The following TBC1D16 variants were observed in gnomAD, a reference collection of about 807,000 sequenced individuals.
TBC1D16 encodes the protein TBC1 domain family member 16, also known as CTD-2529O21.1.
TBC1D16 carries 58 observed loss-of-function variants against 74.7 expected under a neutral mutation model. That is an observed-to-expected ratio of 0.78 (90% CI 0.63 to 0.97). The LOEUF (loss-of-function observed/expected upper bound fraction) is 0.97, where lower values mean the gene tolerates loss of function less well. Among genes scored for constraint, TBC1D16 ranks in the 50% least tolerant of loss-of-function variants. TBC1D16 has a pLI of 0.00. For missense variants in TBC1D16, 1,014 were observed against 1,079.5 expected (o/e 0.94, Z 0.85); for synonymous variants, 493 against 474.7 (o/e 1.04, Z -0.50).
At chr17:80,031,180 G>A (rs1463528441) in intron 1 of TBC1D16, among the ~76,000 whole-genome samples, 4 of 152,220 alleles carry the variant, frequency 2.6e-5, no homozygotes, top group Admixed American at 1.3e-4. Context: ...CCGGGCAGCA[G>A]GCTTGGGGAA....
intron 9 of TBC1D16, among the ~76,000 whole-genome samples, chr17:79,947,118 A>G (rs988808875): frequency 4.6e-5 from 7 of 152,134 alleles, no homozygotes; most frequent in African/African-American, 1.7e-4. Flanking sequence ...CCTGGTCTAC[A>G]TAGGGCTGGT....
rs59996007 is a variant in TBC1D16 at position 79,986,683 on chromosome 17, T to TTAAA, written c.779+23476_779+23477insTTTA. On this transcript the variant is annotated intron_variant, in intron 3 of 11. Transcript: ENST00000310924. This position sits in a 1 kb window ranked among gnomAD's most constrained non-coding sequence, Gnocchi z 6.0. ...CTCTTATTAAAGGGCAGAGCCACCA[T>TTAAA]GGTGGGTGAACGGGCTTCCTCTCGG... 4.1e-4 allele frequency among the ~76,000 whole-genome samples: 62 copies of TTAAA among 152,260 alleles called. 3 individuals carry two copies. In the East Asian group the frequency reaches 0.011, roughly 28 times the overall value.
intron 6 of TBC1D16, 47 bp from the exon 7 acceptor site, chr17:79,949,912 C>T (rs1176619131): frequency 1.3e-6 from 2 of 1,590,400 alleles, no homozygotes; most frequent in South Asian, 1.1e-5. Flanking sequence ...TGGGGCAGCT[C>T]AAAGAACCCC....
At position 79,983,529 on chromosome 17, in the gene TBC1D16, C is replaced by A. The variant is rs867192560; in HGVS notation, c.779+26631G>T. 1.1e-4 allele frequency among the ~76,000 whole-genome samples: 17 copies of A among 152,358 alleles called. No individual in the cohort carries two copies. The highest frequency in any genetic ancestry group is 4.1e-4 in the African/African-American group (17 of 41,584). ...CCTATTGGAGTGAGCACCCGCAGCA[C>A]CTCAGGCACGGGGAGCTGAGCCACC... On this transcript the variant is annotated intron_variant, in intron 3 of 11. Coordinates refer to ENST00000310924, the MANE Select transcript of TBC1D16 (RefSeq NM_019020.4). The surrounding 1 kb of genome is among the most constrained non-coding windows in gnomAD (Gnocchi z 5.6).
rs150301885 is a variant in TBC1D16 at position 80,013,472 on chromosome 17, C to T, written c.76G>A (p.Gly26Ser). The part of the protein sequence containing the change: ...DLLTLTPGGS[G>S]SGSPSVLDGE... ...TCCAGGACAGAGGGGGACCCGCTGC[C>T]GCTGCCACCGGGGGTGAGGGTCAGG... Residue 26 changes from glycine to serine, a missense_variant, in exon 2 of 12, where the codon GGC becomes AGC. Physicochemically the swap from Gly to Ser is moderately conservative, Grantham distance 56. Coordinates refer to ENST00000310924, the MANE Select transcript of TBC1D16 (RefSeq NM_019020.4). The T allele has an allele frequency of 8.2e-6, 13 of 1,595,032 alleles. No individual in the cohort carries two copies. Among genetic ancestry groups the T allele is most frequent in the Middle Eastern group, 1.7e-4 (1 of 6,010 alleles).
At chr17:79,984,441 C>A (rs1192514431) in intron 3 of TBC1D16, among the ~76,000 whole-genome samples, 1 of 152,016 alleles carries the variant, frequency 6.6e-6, no homozygotes. Context: ...AGGAAATACA[C>A]CAAAAAGTTA....
Position 80,013,477 on chromosome 17 carries a change from C to T in TBC1D16, c.71G>A (p.Gly24Asp). The T allele has an allele frequency of 6.3e-7, 1 of 1,593,200 alleles. No homozygotes were observed. Among genetic ancestry groups the T allele is most frequent in the Non-Finnish European group, 8.5e-7 (1 of 1,170,776 alleles). ...ASDLLTLTPG[G>D]SGSGSPSVLD... ...GACAGAGGGGGACCCGCTGCCGCTGCCACCGGGGGTGAGGGTCAGGAGGTC... is the reference window on the plus strand; with the variant it reads ...GACAGAGGGGGACCCGCTGCCGCTGTCACCGGGGGTGAGGGTCAGGAGGTC... Residue 24 changes from glycine to aspartate, a missense_variant, in exon 2 of 12, where the codon GGC becomes GAC. Coordinates refer to ENST00000310924, the MANE Select transcript of TBC1D16 (RefSeq NM_019020.4).
chr17:79,996,639 G>C (rs778710326), intron 3 of TBC1D16, among the ~76,000 whole-genome samples: 1 of 152,178 alleles, frequency 6.6e-6, no homozygotes, highest in African/African-American at 2.4e-5. Flanking sequence ...CCAGCACTTT[G>C]GGAGGCCGAG....
Position 79,940,586 on chromosome 17 carries a change from C to T in TBC1D16, c.*273G>A. ...TCCTCCAGGGCAGCCAGCAGGAGAG[C>T]CCAGCCAGCCTGCGTCTCAGGTGCG... On this transcript the variant is annotated 3_prime_UTR_variant, in exon 12 of 12. Coordinates refer to ENST00000310924, the MANE Select transcript of TBC1D16 (RefSeq NM_019020.4). This position sits in a 1 kb window ranked among gnomAD's most constrained non-coding sequence, Gnocchi z 5.4. 3.0e-6 allele frequency: 1 copy of T among 336,114 alleles called. No homozygotes were observed. The highest frequency in any genetic ancestry group is 5.4e-6 in the Non-Finnish European group (1 of 186,514). 20.8% of individuals were successfully genotyped at this position (336,114 alleles called of 1,614,324 possible). A position where few individuals can be genotyped will look rare whatever the true frequency, so the allele number is the denominator to read the frequency against.
rs2035144731 is a variant in TBC1D16 at position 79,993,303 on chromosome 17, G to C, written c.779+16857C>G. On this transcript the variant is annotated intron_variant, in intron 3 of 11. Coordinates refer to ENST00000310924, the MANE Select transcript of TBC1D16 (RefSeq NM_019020.4). This position sits in a 1 kb window ranked among gnomAD's most constrained non-coding sequence, Gnocchi z 5.1. ...TCCACCAGCCAGTCCCTTTCAAAGG[G>C]CGGAGGTTTCCAGAAGTGTGGCTGA... Among the ~76,000 whole-genome samples, 1 of 152,198 alleles carries C rather than the reference G, an allele frequency of 6.6e-6. No homozygotes were observed. The highest frequency in any genetic ancestry group is 2.1e-4 in the South Asian group (1 of 4,828).
intron 1 of TBC1D16, among the ~76,000 whole-genome samples, chr17:80,032,391 T>A (rs1264313367): frequency 6.6e-6 from 1 of 152,050 alleles, no homozygotes; most frequent in Non-Finnish European, 1.5e-5. Context: ...GTTATTCATG[T>A]GTCAGAAGCC....
chr17:79,953,334 G>C (rs2033173945), intron 3 of TBC1D16, among the ~76,000 whole-genome samples: 1 of 152,194 alleles, frequency 6.6e-6, no homozygotes, highest in Non-Finnish European at 1.5e-5. Context: ...TTATGCTTTT[G>C]GTTAGGAAAC....
intron 3 of TBC1D16, among the ~76,000 whole-genome samples, chr17:79,973,259 G>T (rs2034189517): frequency 6.6e-6 from 1 of 152,002 alleles, no homozygotes; most frequent in Admixed American, 6.6e-5. Flanking sequence ...GGCACAGTAA[G>T]AGATGAACAA....
chr17:79,964,521 G>C (rs777966584), intron 3 of TBC1D16, among the ~76,000 whole-genome samples: 1 of 152,068 alleles, frequency 6.6e-6, no homozygotes, highest in Admixed American at 6.6e-5. Flanking sequence ...TAAGACATTG[G>C]GGGGACACGA....
rs1047806094 is a variant in TBC1D16 at position 79,954,957 on chromosome 17, A to G, written c.780-2139T>C. Among the ~76,000 whole-genome samples, 70 of 152,058 alleles carry G rather than the reference A, an allele frequency of 4.6e-4. No individual in the cohort carries two copies. Among genetic ancestry groups the G allele is most frequent in the African/African-American group, 1.6e-3 (68 of 41,488 alleles). ...CAGAGACTCGCTTTGGCAGTCACGG[A>G]TGGAGGGCCCCCTCCCTGCTGCCGT... On this transcript the variant is annotated intron_variant, in intron 3 of 11. Coordinates refer to ENST00000310924, the MANE Select transcript of TBC1D16 (RefSeq NM_019020.4). This position sits in a 1 kb window ranked among gnomAD's most constrained non-coding sequence, Gnocchi z 5.5.
chr17:80,017,573 C>T (rs566654454), intron 1 of TBC1D16, among the ~76,000 whole-genome samples: 8 of 147,704 alleles, frequency 5.4e-5, no homozygotes, highest in South Asian at 4.3e-4. Flanking sequence ...CCCAGCTACT[C>T]GGGAGGCTCA....
In TBC1D16 at chr17:80,009,183, C is replaced by T. The variant is rs1244072356; in HGVS notation, c.779+977G>A. Among the ~76,000 whole-genome samples the T allele has an allele frequency of 6.6e-6, 1 of 152,272 alleles. No homozygotes were observed. The highest frequency in any genetic ancestry group is 1.5e-5 in the Non-Finnish European group (1 of 68,046). On this transcript the variant is annotated intron_variant, in intron 3 of 11. Coordinates refer to ENST00000310924, the MANE Select transcript of TBC1D16 (RefSeq NM_019020.4). The surrounding 1 kb of genome is among the most constrained non-coding windows in gnomAD (Gnocchi z 5.4). Reference sequence around the variant, plus strand: ...CCACGTCCAGCATGCGCCCGGCTCACACCACGAGCTCAACAGTTAATGACC... The same window carrying T: ...CCACGTCCAGCATGCGCCCGGCTCATACCACGAGCTCAACAGTTAATGACC...
In TBC1D16 at chr17:79,944,248, C is replaced by T; in HGVS notation, c.1908+660G>A. ...AGCCAGCTCCTGCAAAAGGGTCCAG[C>T]CCTCCTGGATGCGTCGATGTGAGTT... On this transcript the variant is annotated intron_variant, in intron 10 of 11. Coordinates refer to ENST00000310924, the MANE Select transcript of TBC1D16 (RefSeq NM_019020.4). This position sits in a 1 kb window ranked among gnomAD's most constrained non-coding sequence, Gnocchi z 7.7. The T allele has an allele frequency of 1.8e-6, 2 of 1,110,164 alleles. No individual in the cohort carries two copies. Among genetic ancestry groups the T allele is most frequent in the Non-Finnish European group, 2.6e-6 (2 of 779,066 alleles). The allele number at this position is 1,110,164 out of a possible 1,614,324, so 68.8% of individuals were successfully genotyped here.
chr17:80,007,178 G>A lies in TBC1D16; in HGVS notation c.779+2982C>T, dbSNP rs569250273. Among the ~76,000 whole-genome samples, 52 of 152,292 alleles carry A rather than the reference G, an allele frequency of 3.4e-4. No homozygotes were observed. In the South Asian group the frequency reaches 9.1e-3, roughly 27 times the overall value. ...ACAGGCCTGAGGTGCGAGCCACACC[G>A]AGCCCGCGGCCATGTGGCCAAGAGG... On this transcript the variant is annotated intron_variant, in intron 3 of 11. Coordinates refer to ENST00000310924, the MANE Select transcript of TBC1D16 (RefSeq NM_019020.4). This position sits in a 1 kb window ranked among gnomAD's most constrained non-coding sequence, Gnocchi z 4.5.
Sources: gnomAD v4.1 joint callset for allele counts (sites outside exome capture counted in the v4.1 genomes callset) on GRCh38, gnomAD v4.1.1 for gene constraint, Gnocchi (gnomAD v3.1) non-coding constraint, MANE v1.5 for transcripts, NCBI Gene and HGNC (gene_info 2026-07-23, HGNC 2026-07-21) for gene names.